The following PRKDC variants were observed in gnomAD, a reference collection of about 807,000 sequenced individuals.
The protein encoded by PRKDC is protein kinase, DNA-activated, catalytic subunit.
Under a neutral mutation model 486.9 loss-of-function variants are expected in PRKDC, and 82 were observed. The observed-to-expected ratio is 0.17, with a 90% confidence interval of 0.14 to 0.20. PRKDC has a LOEUF of 0.20. PRKDC is among the 10% of genes least tolerant of loss of function. PRKDC has a pLI of 1.00. For synonymous variants in PRKDC, 1,895 were observed against 1,837.0 expected, an observed-to-expected ratio of 1.03 and a Z score of -0.81; for missense variants, 4,504 against 5,038.2, an observed-to-expected ratio of 0.89 and a Z score of 3.21.
At chr8:47,785,836 G>A (rs1428778827) in intron 76 of PRKDC, among the ~76,000 whole-genome samples, 3 of 152,182 alleles carry the variant, frequency 2.0e-5, no homozygotes, top group African/African-American at 4.8e-5. Context: ...TAAGTGACAC[G>A]GTTAATGCCT....
chr8:47,887,301 A>T lies in PRKDC; in HGVS notation c.4572+246T>A, dbSNP rs2089357552. Reference sequence around the variant, plus strand: ...CATAGTCACAAAACGTTCTCTAGCTAATTCCTTTTGGAAACAAAGTGGGAT... The same window carrying T: ...CATAGTCACAAAACGTTCTCTAGCTTATTCCTTTTGGAAACAAAGTGGGAT... On this transcript the variant is annotated intron_variant, in intron 35 of 85. Coordinates refer to ENST00000314191, the MANE Select transcript of PRKDC (RefSeq NM_006904.7). Among the ~76,000 whole-genome samples the T allele has an allele frequency of 2.0e-5, 3 of 152,234 alleles. No individual in the cohort carries two copies. The South Asian group carries it at 6.2e-4, about 31-fold the overall frequency.
At chr8:47,895,572 T>C (rs2154502054) in intron 30 of PRKDC, among the ~76,000 whole-genome samples, 1 of 152,282 alleles carries the variant, frequency 6.6e-6, no homozygotes, top group South Asian at 2.1e-4. Context: ...TAAGCAGCTC[T>C]ACCAACATGC....
Position 47,840,195 on chromosome 8 carries a change from GGA to G in PRKDC, c.7281-8_7281-7del, listed in dbSNP as rs1263490313. 3 of 1,566,722 alleles carry G rather than the reference GGA, an allele frequency of 1.9e-6. No individual in the cohort carries two copies. The highest frequency in any genetic ancestry group is 2.6e-6 in the Non-Finnish European group (3 of 1,153,108). On this transcript the variant is annotated splice_polypyrimidine_tract_variant and splice_region_variant and intron_variant, in intron 54 of 85. Transcript: ENST00000314191. Reference sequence around the variant, plus strand: ...CTTTTTGTCTTTCATCATCTCTATGGGAGAGATTTTAAAAACACACAAATTTA... The same window carrying G: ...CTTTTTGTCTTTCATCATCTCTATGGGAGATTTTAAAAACACACAAATTTA...
chr8:47,869,775 A>G (rs2088905968), intron 40 of PRKDC, among the ~76,000 whole-genome samples: 1 of 152,042 alleles, frequency 6.6e-6, no homozygotes, highest in Non-Finnish European at 1.5e-5. Context: ...GGATTTCTGG[A>G]CCTGCCCTGG....
At position 47,896,270 on chromosome 8, in the gene PRKDC, G is replaced by A. The variant is rs574445814; in HGVS notation, c.3598+891C>T. 2.6e-5 allele frequency among the ~76,000 whole-genome samples: 4 copies of A among 152,000 alleles called. No homozygotes were observed. The South Asian group carries it at 8.3e-4, about 32-fold the overall frequency. On this transcript the variant is annotated intron_variant, in intron 30 of 85. Transcript: ENST00000314191. ...AATATATCCTATAGTATGACAAAATGTAAAGTCCTTTTTAGTTTTAGAAGC... is the reference window on the plus strand; with the variant it reads ...AATATATCCTATAGTATGACAAAATATAAAGTCCTTTTTAGTTTTAGAAGC...
intron 63 of PRKDC, among the ~76,000 whole-genome samples, chr8:47,825,289 A>G (rs2087709587): frequency 6.6e-6 from 1 of 152,162 alleles, no homozygotes; most frequent in African/African-American, 2.4e-5. Flanking sequence ...CAATCCCAGC[A>G]CTTTGGGAGG....
intron 13 of PRKDC, among the ~76,000 whole-genome samples, chr8:47,935,362 T>A (rs764723962): frequency 6.6e-6 from 1 of 151,994 alleles, no homozygotes; most frequent in Non-Finnish European, 1.5e-5. Flanking sequence ...TAGCCGGGCA[T>A]GGTGGCGGGC....
intron 56 of PRKDC, among the ~76,000 whole-genome samples, chr8:47,837,711 G>A (rs1210075198): frequency 1.3e-5 from 2 of 151,294 alleles, no homozygotes; most frequent in African/African-American, 4.9e-5. Context: ...TCAACGATGA[G>A]TACATAATAT....
At chr8:47,822,905 T>C (rs1052501629) in intron 64 of PRKDC, among the ~76,000 whole-genome samples, 10 of 152,302 alleles carry the variant, frequency 6.6e-5, no homozygotes, top group East Asian at 3.9e-4. Context: ...ACTGAACTTA[T>C]ATTCATCTTC....
chr8:47,830,034 A>C (rs2087827792), intron 61 of PRKDC, among the ~76,000 whole-genome samples: 1 of 152,210 alleles, frequency 6.6e-6, no homozygotes, highest in South Asian at 2.1e-4. Flanking sequence ...ACAATACTAT[A>C]AGGCTGCAGT....
chr8:47,864,585 T>C lies in PRKDC; in HGVS notation c.5542A>G (p.Ile1848Val), dbSNP rs772652965. 3 of 1,609,954 alleles carry C rather than the reference T, an allele frequency of 1.9e-6. No individual in the cohort carries two copies. Among genetic ancestry groups the C allele is most frequent in the African/African-American group, 2.7e-5 (2 of 74,846 alleles). Residue 1848 changes from isoleucine (I) to valine (V), a missense_variant, in exon 41 of 86, where the codon ATT (isoleucine) becomes GTT (valine). Ile to Val is a conservative substitution (Grantham distance 29). Around this residue, in one of 6 missense-constraint regions of PRKDC, gnomAD observed 1,969 missense variants for 2,068.9 expected, o/e 0.95. Transcript: ENST00000314191. ...EFFSTIVVDA[I>V]DVLKSRFTKL... The stretch of plus-strand genomic sequence containing the variant: ...GTAAACCTGGACTTCAACACATCAA[T>C]GGCATCCACCACAATTGTGCTGAAG...
At chr8:47,789,087 T>C in intron 75 of PRKDC, 38 bp from the exon 76 acceptor site, 1 of 1,612,512 alleles carries the variant, frequency 6.2e-7, no homozygotes, top group Non-Finnish European at 8.5e-7. Flanking sequence ...AAAATCAAGC[T>C]AGATTGCAAT....
intron 21 of PRKDC, among the ~76,000 whole-genome samples, chr8:47,926,342 GA>G (rs2090156524): frequency 6.6e-6 from 1 of 152,122 alleles, no homozygotes; most frequent in South Asian, 2.1e-4. Flanking sequence ...TCAGAAAAAG[GA>G]GACACAGTGC....
At chr8:47,779,953 C>T (rs1195285794) in intron 80 of PRKDC, among the ~76,000 whole-genome samples, 1 of 126,796 alleles carries the variant, frequency 7.9e-6, no homozygotes, top group African/African-American at 3.0e-5. Flanking sequence ...CTTACTCTGT[C>T]GCCCAGGCTG....
In PRKDC at chr8:47,773,563, A is replaced by G; in HGVS notation, c.*610T>C. On this transcript the variant is annotated 3_prime_UTR_variant, in exon 86 of 86. Transcript: ENST00000314191. Reference sequence around the variant, plus strand: ...ATAAAGACGTTTCCTTCTAGAGAGCAAATCTATCATAAAATGTCAAAACTA... The same window carrying G: ...ATAAAGACGTTTCCTTCTAGAGAGCGAATCTATCATAAAATGTCAAAACTA... The G allele has an allele frequency of 4.5e-6, 1 of 220,888 alleles. No individual in the cohort carries two copies. The highest frequency in any genetic ancestry group is 6.7e-5 in the East Asian group (1 of 14,944). The allele number at this position is 220,888 out of a possible 1,614,324, so 13.7% of individuals were successfully genotyped here. A position where few individuals can be genotyped will look rare whatever the true frequency, so the allele number is the denominator to read the frequency against.
At position 47,900,406 on chromosome 8, in the gene PRKDC, G is replaced by A; in HGVS notation, c.3331C>T (p.Leu1111=). The change falls in exon 28 of 86, where the codon CTG becomes TTG. Residue 1111 remains leucine, a synonymous_variant. Coordinates refer to ENST00000314191, the MANE Select transcript of PRKDC (RefSeq NM_006904.7). ...FEALVIYMES[L]ALAHADEKSL... is the part of the protein sequence containing the mutation. ...TTCTCATCTGCATGTGCTAAGGCCAGACTCTCCATGTATATCACCAAGGCT... is the reference window on the plus strand; with the variant it reads ...TTCTCATCTGCATGTGCTAAGGCCAAACTCTCCATGTATATCACCAAGGCT... 2 of 1,611,786 alleles carry A rather than the reference G, an allele frequency of 1.2e-6. No individual in the cohort carries two copies. The highest frequency in any genetic ancestry group is 8.5e-7 in the Non-Finnish European group (1 of 1,179,090).
At chr8:47,911,435 C>A (rs2089900675) in intron 25 of PRKDC, among the ~76,000 whole-genome samples, 1 of 152,238 alleles carries the variant, frequency 6.6e-6, no homozygotes. Flanking sequence ...CAAATGCCTT[C>A]CAGGCTTCCA....
intron 59 of PRKDC, among the ~76,000 whole-genome samples, chr8:47,833,877 AAGCCCTCT>A (rs1477768458): frequency 2.6e-5 from 4 of 152,072 alleles, no homozygotes; most frequent in African/African-American, 7.2e-5. Context: ...CACCTGTATT[AAGCCCTCT>A]AGCCCTAGAC....
At chr8:47,804,720 G>C (rs542757963) in intron 69 of PRKDC, among the ~76,000 whole-genome samples, 6 of 152,254 alleles carry the variant, frequency 3.9e-5, no homozygotes, top group African/African-American at 1.4e-4. Flanking sequence ...ATGGGTCTGG[G>C]AGTGGAATTG....
Sources: allele counts gnomAD v4.1 joint callset (sites outside exome capture counted in the v4.1 genomes callset), GRCh38; gene constraint gnomAD v4.1.1; regional missense constraint gnomAD v4.1.1; transcripts MANE v1.5; gene names NCBI Gene and HGNC (gene_info 2026-07-23, HGNC 2026-07-21).